The following NT5DC2 variants were observed in gnomAD, a reference collection of about 807,000 sequenced individuals.
NT5DC2 encodes the protein 5'-nucleotidase domain containing 2.
A neutral mutation model predicts 70.0 loss-of-function variants in NT5DC2; 41 were observed. The ratio of observed to expected loss-of-function variants is 0.59; its 90% CI spans 0.46 to 0.76. NT5DC2 has a LOEUF of 0.76. Ranked by LOEUF, NT5DC2 falls within the 30% of genes least tolerant of loss-of-function variation. The probability of loss-of-function intolerance (pLI) is 0.00; values close to 1 mark genes in which losing one functional copy is unlikely to be tolerated. For synonymous variants in NT5DC2, 299 were observed against 310.4 expected, an observed-to-expected ratio of 0.96 and a Z score of 0.39; for missense variants, 705 against 783.2, an observed-to-expected ratio of 0.90 and a Z score of 1.19.
intron 1 of NT5DC2, chr3:52,532,166 G>A (rs2079370612): frequency 1.0e-6 from 1 of 985,354 alleles, no homozygotes; most frequent in Non-Finnish European, 1.2e-6. Context: ...TGCTCACCAT[G>A]GGATCTTGGT....
rs376869802 is a variant in NT5DC2, at chr3:52,528,901, G to C, written c.452C>G (p.Pro151Arg). 1.1e-5 allele frequency: 17 copies of C among 1,613,984 alleles called. No homozygotes were observed. The African/African-American group carries it at 2.0e-4, about 19-fold the overall frequency. ...GTGGAGGCCACGGATGGCAAAGCTG[G>C]GGTTGTAGTCATACTTCCGAATCCC... ...PEGIRKYDYN[P>R]SFAIRGLHYD... The change falls in exon 3 of 14, where the codon CCC (proline) becomes CGC (arginine). Residue 151 changes from proline (P) to arginine (R), a missense_variant. Coordinates refer to ENST00000422318, the MANE Select transcript of NT5DC2 (RefSeq NM_001134231.2).
intron 3 of NT5DC2, 49 bp from the exon 4 acceptor site, chr3:52,528,741 G>T (rs764470043): frequency 6.2e-7 from 1 of 1,605,370 alleles, no homozygotes; most frequent in South Asian, 1.1e-5. Context: ...CAGTTTCACC[G>T]TGGCCCCAAG....
intron 8 of NT5DC2, 40 bp from the exon 9 acceptor site, chr3:52,527,758 G>A (rs771359759): frequency 5.1e-5 from 82 of 1,608,878 alleles, no homozygotes; most frequent in Non-Finnish European, 6.5e-5. Context: ...GTCTGAGGGC[G>A]GCTCCGTGCC....
intron 1 of NT5DC2, among the ~76,000 whole-genome samples, chr3:52,533,284 C>G (rs1001379772): frequency 1.3e-5 from 2 of 152,110 alleles, no homozygotes; most frequent in Non-Finnish European, 2.9e-5. Context: ...CAGACCGAGC[C>G]GGGGAACAAA....
intron 3 of NT5DC2, 53 bp from the exon 4 acceptor site, chr3:52,528,745 C>A: frequency 6.2e-7 from 1 of 1,607,660 alleles, no homozygotes; most frequent in South Asian, 1.1e-5. Context: ...TTCACCGTGG[C>A]CCCAAGCCAG....
At chr3:52,534,527 A>C, upstream of NT5DC2, 1 of 1,613,204 alleles carries the variant, frequency 6.2e-7, no homozygotes, top group Non-Finnish European at 8.5e-7. Context: ...AACTGGCCGC[A>C]CTGACCCGTC....
chr3:52,533,928 C>T (rs1238873775), upstream of NT5DC2: 1 of 758,594 alleles, frequency 1.3e-6, no homozygotes, highest in Admixed American at 6.3e-5. Context: ...GGCCCCGGAC[C>T]CGGCGGGGCG....
upstream of NT5DC2, chr3:52,534,591 C>A: frequency 6.2e-7 from 1 of 1,613,888 alleles, no homozygotes; most frequent in Middle Eastern, 1.6e-4. Flanking sequence ...TCTTTTCTAG[C>A]AACGTCGACA....
At chr3:52,526,729 A>C (rs1402938616) in intron 10 of NT5DC2, among the ~76,000 whole-genome samples, 1 of 152,206 alleles carries the variant, frequency 6.6e-6, no homozygotes, top group Non-Finnish European at 1.5e-5. Flanking sequence ...GTGTGATCAC[A>C]GCTCACCACA....
rs1365365908 is a variant in NT5DC2 at position 52,533,803 on chromosome 3, C to CGCCGCCCGCCGCCCGCCGCCCGCCGCCT, written c.-67_-66insAGGCGGCGGGCGGCGGGCGGCGGGCGGC. On this transcript the variant is annotated 5_prime_UTR_variant, in exon 1 of 14. Coordinates refer to ENST00000422318, the MANE Select transcript of NT5DC2 (RefSeq NM_001134231.2). Reference sequence around the variant, plus strand: ...AGCCCGCCGCCCGCCGCCCGCCGCCCTCCGACTGCGCGCCCGCCACGGTGG... The same window carrying CGCCGCCCGCCGCCCGCCGCCCGCCGCCT: ...AGCCCGCCGCCCGCCGCCCGCCGCCCGCCGCCCGCCGCCCGCCGCCCGCCGCCTTCCGACTGCGCGCCCGCCACGGTGG... The CGCCGCCCGCCGCCCGCCGCCCGCCGCCT allele has an allele frequency of 5.1e-6, 5 of 977,870 alleles. No individual in the cohort carries two copies. In the African/African-American group the frequency reaches 8.8e-5, roughly 17 times the overall value. 60.6% of individuals were successfully genotyped at this position (977,870 alleles called of 1,614,324 possible).
intron 1 of NT5DC2, among the ~76,000 whole-genome samples, chr3:52,530,493 CTA>C (rs2079345003): frequency 6.6e-6 from 1 of 152,218 alleles, no homozygotes; most frequent in Non-Finnish European, 1.5e-5. Flanking sequence ...CCTCTCATGG[CTA>C]TGACTTCAGG....
chr3:52,524,991 G>A lies in NT5DC2; in HGVS notation c.1319C>T (p.Ala440Val), dbSNP rs761501775. ...QYMHSLTWQQ[A>V]LTGLLERMQT... ...CATGCGCTCCAGCAGCCCCGTGAGC[G>A]CCTGCTGCCACGTCAGCGAGTGCAT... Residue 440 changes from alanine to valine, a missense_variant, in exon 12 of 14, where the codon GCG becomes GTG. Coordinates refer to ENST00000422318, the MANE Select transcript of NT5DC2 (RefSeq NM_001134231.2). The A allele has an allele frequency of 1.2e-5, 20 of 1,610,448 alleles. No individual in the cohort carries two copies. The highest frequency in any genetic ancestry group is 1.7e-5 in the Admixed American group (1 of 59,854).
At chr3:52,527,414 C>T in intron 9 of NT5DC2, 39 bp from the exon 10 acceptor site, 1 of 1,606,830 alleles carries the variant, frequency 6.2e-7, no homozygotes, top group African/African-American at 1.3e-5. Context: ...CAGTCTGTGG[C>T]TGGGCCACGG....
At position 52,527,373 on chromosome 3, in the gene NT5DC2, G is replaced by A. The variant is rs868845089; in HGVS notation, c.1040C>T (p.Pro347Leu). 6.2e-7 allele frequency: 1 copy of A among 1,614,124 alleles called. No homozygotes were observed. Residue 347 changes from proline (P) to leucine (L), a missense_variant and splice_region_variant, in exon 10 of 14, where the codon CCT becomes CTT. Physicochemically the swap from Pro to Leu is moderately conservative, Grantham distance 98 (BLOSUM62 -3). Coordinates refer to ENST00000422318, the MANE Select transcript of NT5DC2 (RefSeq NM_001134231.2). ...KPSFFTDRRK[P>L]FRKLDEKGSL... ...GCCCTTCTCATCGAGTTTTCTGAAA[G>A]GCCTGGGGTGCAGGTAAAGGGCATG...
Position 52,525,002 on chromosome 3 carries a change from C to G in NT5DC2, c.1308G>C (p.Thr436=). ...INTEQYMHSL[T]WQQALTGLLE... is the part of the protein sequence containing the mutation. ...GCAGCCCCGTGAGCGCCTGCTGCCA[C>G]GTCAGCGAGTGCATGTACTGCTCCG... The change falls in exon 12 of 14, where the codon ACG becomes ACC. Residue 436 remains threonine, a synonymous_variant. Coordinates refer to ENST00000422318, the MANE Select transcript of NT5DC2 (RefSeq NM_001134231.2). 2.5e-6 allele frequency: 4 copies of G among 1,611,044 alleles called. No individual in the cohort carries two copies. Among genetic ancestry groups the G allele is most frequent in the Non-Finnish European group, 3.4e-6 (4 of 1,179,278 alleles).
rs757795600 is a variant in NT5DC2, at chr3:52,524,828, C to A, written c.1401G>T (p.Arg467=). The A allele has an allele frequency of 1.7e-5, 28 of 1,612,630 alleles. No homozygotes were observed. The highest frequency in any genetic ancestry group is 2.4e-5 in the Non-Finnish European group (28 of 1,179,986). The change falls in exon 13 of 14, where the codon CGG becomes CGT. Residue 467 remains arginine, a synonymous_variant. Transcript: ENST00000422318. ...CCCCACCTGCTCACCTCAGCTCCTG[C>A]CGCTCTTTCATCCAGGCAGCCAGCA... ...RQVLAAWMKE[R]QELRCITKAL...
chr3:52,534,139 A>C, upstream of NT5DC2: 1 of 291,286 alleles, frequency 3.4e-6, no homozygotes, highest in South Asian at 3.1e-5. Flanking sequence ...AGACAGCCGG[A>C]GCGCGACGGG....
chr3:52,524,938 C>G, intron 12 of NT5DC2, 25 bp downstream of exon 12: 1 of 1,612,442 alleles, frequency 6.2e-7, no homozygotes. Flanking sequence ...CGCCCTGGCC[C>G]TCCCACAGCC....
intron 1 of NT5DC2, chr3:52,532,301 C>A (rs774827717): frequency 2.2e-4 from 217 of 985,300 alleles, no homozygotes; most frequent in Non-Finnish European, 2.6e-4. Flanking sequence ...ACCTCCAAGG[C>A]AGGCTTCTCA....
Sources: allele counts gnomAD v4.1 joint callset (sites outside exome capture counted in the v4.1 genomes callset), GRCh38; gene constraint gnomAD v4.1.1; transcripts MANE v1.5; gene names NCBI Gene and HGNC (gene_info 2026-07-23, HGNC 2026-07-21).